SLIT2: variants seen among roughly 807,000 people sequenced by gnomAD.
The protein encoded by SLIT2 is slit homolog 2 protein.
Under a neutral mutation model 185.7 loss-of-function variants are expected in SLIT2, and 41 were observed. The ratio of observed to expected loss-of-function variants is 0.22; its 90% CI spans 0.17 to 0.29. SLIT2 has a LOEUF of 0.29. Among genes scored for constraint, SLIT2 ranks in the 10% least tolerant of loss-of-function variants. The probability of loss-of-function intolerance (pLI) is 1.00; values close to 1 mark genes in which losing one functional copy is unlikely to be tolerated. For missense variants in SLIT2, 1,571 were observed against 1,909.0 expected (o/e 0.82, Z 3.30); for synonymous variants, 693 against 680.2 (o/e 1.02, Z -0.29).
At chr4:20,512,209 G>C (rs998319651) in intron 11 of SLIT2, among the ~76,000 whole-genome samples, 2 of 151,996 alleles carry the variant, frequency 1.3e-5, no homozygotes, top group Non-Finnish European at 2.9e-5. Flanking sequence ...TCAGAGGTCA[G>C]GGGTAGCCAA....
chr4:20,564,995 T>C (rs1051248632), intron 26 of SLIT2, among the ~76,000 whole-genome samples: 5 of 151,996 alleles, frequency 3.3e-5, no homozygotes, highest in African/African-American at 1.2e-4. Flanking sequence ...AAAATGAACA[T>C]GAACTACTTC....
At chr4:20,526,287 G>A (rs1271807401) in intron 15 of SLIT2, among the ~76,000 whole-genome samples, 11 of 152,056 alleles carry the variant, frequency 7.2e-5, no homozygotes, top group South Asian at 6.2e-4. Context: ...CTTATTTTGA[G>A]CTTGAATGAT....
chr4:20,587,095 G>A (rs997115606), intron 29 of SLIT2, among the ~76,000 whole-genome samples: 1 of 150,676 alleles, frequency 6.6e-6, no homozygotes, highest in Non-Finnish European at 1.5e-5. Flanking sequence ...CTCGGCTCAT[G>A]GCAACCTCCG....
At position 20,542,488 on chromosome 4, in the gene SLIT2, A is replaced by T. The variant is rs548786220; in HGVS notation, c.2144-6A>T. The stretch of plus-strand genomic sequence containing the variant: ...TTGGTTTTCCTGTATTTCCTCTGCG[A>T]TTTAGGAAATGATGACAATAGTTGC... On this transcript the variant is annotated splice_polypyrimidine_tract_variant and splice_region_variant and intron_variant, in intron 20 of 36. Coordinates refer to ENST00000504154, the MANE Select transcript of SLIT2 (RefSeq NM_004787.4). The T allele has an allele frequency of 1.9e-5, 30 of 1,613,078 alleles. No individual in the cohort carries two copies. In the South Asian group the frequency reaches 3.1e-4, roughly 17 times the overall value.
chr4:20,401,722 A>T (rs1397045943), intron 4 of SLIT2, among the ~76,000 whole-genome samples: 3 of 151,854 alleles, frequency 2.0e-5, no homozygotes, highest in Admixed American at 6.6e-5. Flanking sequence ...CCAAATAGTG[A>T]GACCTTGACT....
intron 1 of SLIT2, among the ~76,000 whole-genome samples, chr4:20,255,853 T>C (rs537737968): frequency 7.2e-5 from 11 of 152,294 alleles, no homozygotes; most frequent in African/African-American, 2.6e-4. Flanking sequence ...TCAAAGGTGA[T>C]ATAGAGCTTA....
At chr4:20,445,440 T>C (rs1357374271) in intron 4 of SLIT2, among the ~76,000 whole-genome samples, 1 of 152,164 alleles carries the variant, frequency 6.6e-6, no homozygotes, top group Non-Finnish European at 1.5e-5. Context: ...TTTAAAAGGA[T>C]ATATAGAGGG....
chr4:20,473,353 C>G (rs1046531241), intron 5 of SLIT2, among the ~76,000 whole-genome samples: 1 of 151,868 alleles, frequency 6.6e-6, no homozygotes, highest in Non-Finnish European at 1.5e-5. Flanking sequence ...ACATGCATTA[C>G]TTTTTAGACA....
At chr4:20,320,434 C>A (rs568962332) in intron 4 of SLIT2, among the ~76,000 whole-genome samples, 1 of 152,228 alleles carries the variant, frequency 6.6e-6, no homozygotes, top group South Asian at 2.1e-4. Context: ...TTCTGAGCCC[C>A]AGCCTCCTTA....
chr4:20,580,070 T>C lies in SLIT2; in HGVS notation c.3089-9574T>C, dbSNP rs867994172. Among the ~76,000 whole-genome samples the C allele has an allele frequency of 4.8e-5, 7 of 144,910 alleles. No homozygotes were observed. In the South Asian group the frequency reaches 1.5e-3, roughly 31 times the overall value. On this transcript the variant is annotated intron_variant, in intron 29 of 36. Transcript: ENST00000504154. ...TATTATATATTATGTATATATTATA[T>C]ATATATATATATATTTGAGACCGTG...
chr4:20,612,960 C>T (rs1364458274), intron 34 of SLIT2, among the ~76,000 whole-genome samples: 1 of 150,548 alleles, frequency 6.6e-6, no homozygotes, highest in Non-Finnish European at 1.5e-5. Flanking sequence ...GAGATACCAT[C>T]TCACACCAGT....
Position 20,610,151 on chromosome 4 carries a change from T to C in SLIT2, c.3831T>C (p.Ser1277=). Residue 1277 remains serine, a synonymous_variant, in exon 34 of 37, where the codon TCT becomes TCC. Transcript: ENST00000504154. ...AGCAGTCCACTCTGAATTTTGACTC[T>C]CCACTCTATGTAGGAGGTAAGCTGT... ...LSKQSTLNFD[S]PLYVGGMPGK... 2 of 1,613,522 alleles carry C rather than the reference T, an allele frequency of 1.2e-6. No individual in the cohort carries two copies. Among genetic ancestry groups the C allele is most frequent in the Non-Finnish European group, 1.7e-6 (2 of 1,179,648 alleles).
chr4:20,544,445 T>G (rs1723081473), intron 21 of SLIT2, among the ~76,000 whole-genome samples: 1 of 152,134 alleles, frequency 6.6e-6, no homozygotes, highest in Non-Finnish European at 1.5e-5. Flanking sequence ...TTTCAACTAT[T>G]CAAAAAGTTG....
chr4:20,496,031 G>A (rs1278391812), intron 9 of SLIT2, among the ~76,000 whole-genome samples: 1 of 151,834 alleles, frequency 6.6e-6, no homozygotes, highest in Non-Finnish European at 1.5e-5. Context: ...TAAATTGTTG[G>A]TTGAGTTTCT....
At chr4:20,525,663 T>C (rs1189631066) in intron 15 of SLIT2, among the ~76,000 whole-genome samples, 2 of 152,160 alleles carry the variant, frequency 1.3e-5, no homozygotes, top group Non-Finnish European at 2.9e-5. Context: ...AAACTGTACT[T>C]ATTGCTTTAC....
intron 4 of SLIT2, among the ~76,000 whole-genome samples, chr4:20,344,954 C>T (rs992889199): frequency 6.6e-6 from 1 of 151,974 alleles, no homozygotes; most frequent in Non-Finnish European, 1.5e-5. Context: ...TACCTTGCCA[C>T]GTGTATGTAT....
intron 29 of SLIT2, chr4:20,573,159 C>T: frequency 1.4e-6 from 1 of 702,624 alleles, no homozygotes. Flanking sequence ...GAACGCTGCG[C>T]ATTGGCTTCC....
rs536601852 is a variant in SLIT2 at position 20,337,381 on chromosome 4, G to T, written c.395+68500G>T. Among the ~76,000 whole-genome samples the T allele has an allele frequency of 1.5e-4, 23 of 152,122 alleles. No homozygotes were observed. In the East Asian group the frequency reaches 3.9e-3, roughly 26 times the overall value. On this transcript the variant is annotated intron_variant, in intron 4 of 36. Coordinates refer to ENST00000504154, the MANE Select transcript of SLIT2 (RefSeq NM_004787.4). ...CACTATCACAAGAACAGCACAGGAAGGACCTGCCCCCGTGATTCAATTACC... is the reference window on the plus strand; with the variant it reads ...CACTATCACAAGAACAGCACAGGAATGACCTGCCCCCGTGATTCAATTACC...
At chr4:20,415,968 CAGTT>C (rs1262777887) in intron 4 of SLIT2, among the ~76,000 whole-genome samples, 2 of 150,314 alleles carry the variant, frequency 1.3e-5, no homozygotes, top group East Asian at 1.9e-4. Context: ...AATAGATACT[CAGTT>C]AGTGATGACA....
Sources: gnomAD v4.1 joint callset for allele counts (sites outside exome capture counted in the v4.1 genomes callset) on GRCh38, gnomAD v4.1.1 for gene constraint, MANE v1.5 for transcripts, NCBI Gene and HGNC (gene_info 2026-07-23, HGNC 2026-07-21) for gene names.